NR3C2: variants seen among roughly 807,000 people sequenced by gnomAD.
NR3C2 encodes nuclear receptor subfamily 3 group C member 2.
NR3C2 carries 15 observed loss-of-function variants against 86.4 expected under a neutral mutation model. The ratio of observed to expected loss-of-function variants is 0.17; its 90% CI spans 0.12 to 0.27. NR3C2 has a LOEUF of 0.27. Among genes scored for constraint, NR3C2 ranks in the 10% least tolerant of loss-of-function variants. The pLI, the probability that NR3C2 is intolerant of heterozygous loss-of-function variation, is 1.00. For missense variants in NR3C2, 960 were observed against 1,195.6 expected (o/e 0.80, Z 2.91); for synonymous variants, 458 against 450.5 (o/e 1.02, Z -0.21).
chr4:148,222,049 T>C (rs981482303), intron 3 of NR3C2, among the ~76,000 whole-genome samples: 1 of 152,116 alleles, frequency 6.6e-6, no homozygotes, highest in Non-Finnish European at 1.5e-5. Context: ...TCTTGTACCA[T>C]ATCTGGTACA....
At chr4:148,426,378 A>T (rs1749530514) in intron 2 of NR3C2, among the ~76,000 whole-genome samples, 1 of 152,212 alleles carries the variant, frequency 6.6e-6, no homozygotes, top group South Asian at 2.1e-4. Flanking sequence ...AGGATAAGGT[A>T]ACAAAGACAA....
intron 2 of NR3C2, among the ~76,000 whole-genome samples, chr4:148,425,226 CA>C (rs1429143081): frequency 2.0e-5 from 3 of 152,152 alleles, no homozygotes; most frequent in Non-Finnish European, 4.4e-5. Flanking sequence ...TGAACATGAA[CA>C]ACAGACCTGG....
intron 2 of NR3C2, among the ~76,000 whole-genome samples, chr4:148,301,660 G>A (rs1448271646): frequency 2.0e-5 from 3 of 152,160 alleles, no homozygotes; most frequent in Admixed American, 6.5e-5. Flanking sequence ...TAAAATTTCT[G>A]AGTCATCATT....
chr4:148,223,179 G>T (rs1737953723), intron 3 of NR3C2, among the ~76,000 whole-genome samples: 1 of 152,094 alleles, frequency 6.6e-6, no homozygotes, highest in South Asian at 2.1e-4. Context: ...CTCCCCTTCA[G>T]CAATACAGAG....
intron 2 of NR3C2, among the ~76,000 whole-genome samples, chr4:148,388,156 G>C (rs972683033): frequency 3.3e-5 from 5 of 152,026 alleles, no homozygotes; most frequent in African/African-American, 1.2e-4. Flanking sequence ...TACATGCTAG[G>C]GTAGCTTACT....
chr4:148,384,945 T>G (rs767675800), intron 2 of NR3C2, among the ~76,000 whole-genome samples: 14 of 152,176 alleles, frequency 9.2e-5, no homozygotes, highest in Non-Finnish European at 1.8e-4. Context: ...GTAAGAATGA[T>G]CTTCCAGAAT....
At chr4:148,441,114 AC>A (rs1178004028) in intron 1 of NR3C2, among the ~76,000 whole-genome samples, 1 of 152,234 alleles carries the variant, frequency 6.6e-6, no homozygotes, top group Non-Finnish European at 1.5e-5. Flanking sequence ...GAGCGGGAGA[AC>A]CAGTTAGAAC....
chr4:148,436,581 A>G lies in NR3C2; in HGVS notation c.280T>C (p.Ser94Pro), dbSNP rs1198469636. ...GCTACAGTTGCTGAAAGTTCCTTAG[A>G]TTCCAGCTCAGTTTTAATATCAGAT... is the stretch of plus-strand genomic sequence containing the variant. Reference protein sequence around the residue: ...LTSDIKTELESKELSATVAES... With the variant: ...LTSDIKTELEPKELSATVAES... Residue 94 changes from serine to proline, a missense_variant, in exon 2 of 9, where the codon TCT becomes CCT. Coordinates refer to ENST00000358102, the MANE Select transcript of NR3C2 (RefSeq NM_000901.5). 2 of 1,614,236 alleles carry G rather than the reference A, an allele frequency of 1.2e-6. No homozygotes were observed. Among genetic ancestry groups the G allele is most frequent in the Non-Finnish European group, 8.5e-7 (1 of 1,180,040 alleles).
chr4:148,310,972 T>C (rs980549718), intron 2 of NR3C2, among the ~76,000 whole-genome samples: 2 of 152,150 alleles, frequency 1.3e-5, no homozygotes, highest in Non-Finnish European at 2.9e-5. Flanking sequence ...ACAGTCTAAA[T>C]CCAATGGATG....
chr4:148,437,577 A>T (rs2070948), intron 1 of NR3C2, among the ~76,000 whole-genome samples: 93,436 of 152,074 alleles, frequency 0.61, 29,546 homozygotes, highest in East Asian at 0.83. Context: ...TTCAGGAATG[A>T]CTGGTGTCTT....
intron 2 of NR3C2, among the ~76,000 whole-genome samples, chr4:148,360,230 C>T (rs1053455712): frequency 3.3e-5 from 5 of 152,144 alleles, no homozygotes; most frequent in African/African-American, 1.2e-4. Context: ...CTGTAGAGAA[C>T]TTTGGAAAAA....
At chr4:148,426,494 G>A (rs745396461) in intron 2 of NR3C2, among the ~76,000 whole-genome samples, 3 of 152,162 alleles carry the variant, frequency 2.0e-5, no homozygotes, top group Non-Finnish European at 4.4e-5. Flanking sequence ...GCCCATAGTG[G>A]GTCAGATTTC....
intron 3 of NR3C2, among the ~76,000 whole-genome samples, chr4:148,246,552 TTTTA>T (rs1739322786): frequency 6.6e-6 from 1 of 152,134 alleles, no homozygotes; most frequent in Non-Finnish European, 1.5e-5. Flanking sequence ...AATTTTATTA[TTTTA>T]TTTTATTTTT....
At chr4:148,256,243 T>A (rs774446724) in intron 3 of NR3C2, among the ~76,000 whole-genome samples, 17 of 152,156 alleles carry the variant, frequency 1.1e-4, no homozygotes, top group South Asian at 2.1e-4. Context: ...TAGAAGGATC[T>A]TGCCACCTCA....
intron 2 of NR3C2, among the ~76,000 whole-genome samples, chr4:148,324,808 T>G (rs1297995609): frequency 6.6e-6 from 1 of 152,140 alleles, no homozygotes; most frequent in African/African-American, 2.4e-5. Flanking sequence ...ATCCATTATA[T>G]CTCAGAAAAG....
At chr4:148,321,689 T>C (rs899588426) in intron 2 of NR3C2, among the ~76,000 whole-genome samples, 20 of 152,128 alleles carry the variant, frequency 1.3e-4, no homozygotes, top group East Asian at 5.8e-4. Context: ...TATCAGAGAC[T>C]AGGATTGCAA....
At chr4:148,427,674 T>G in intron 2 of NR3C2, among the ~76,000 whole-genome samples, 1 of 151,916 alleles carries the variant, frequency 6.6e-6, no homozygotes, top group Non-Finnish European at 1.5e-5. Flanking sequence ...GAATGTGGCA[T>G]TAGACTGTAA....
chr4:148,324,805 A>G (rs991487006), intron 2 of NR3C2, among the ~76,000 whole-genome samples: 5 of 152,172 alleles, frequency 3.3e-5, no homozygotes, highest in African/African-American at 9.7e-5. Context: ...TTTATCCATT[A>G]TATCTCAGAA....
At chr4:148,248,015 T>C (rs1359612246) in intron 3 of NR3C2, among the ~76,000 whole-genome samples, 2 of 152,188 alleles carry the variant, frequency 1.3e-5, no homozygotes, top group African/African-American at 4.8e-5. Flanking sequence ...GAATTTTAAG[T>C]ATCACTAGTG....
Sources: gnomAD v4.1 joint callset for allele counts (sites outside exome capture counted in the v4.1 genomes callset) on GRCh38, gnomAD v4.1.1 for gene constraint, MANE v1.5 for transcripts, NCBI Gene and HGNC (gene_info 2026-07-23, HGNC 2026-07-21) for gene names.